The following RAB27B variants were observed in gnomAD, a reference collection of about 807,000 sequenced individuals.
RAB27B encodes RAB27B, member RAS oncogene family, also known as ras-related protein Rab-27B.
Under a neutral mutation model 24.6 loss-of-function variants are expected in RAB27B, and 15 were observed. The observed-to-expected ratio is 0.61, with a 90% CI of 0.41 to 0.94. RAB27B has a LOEUF of 0.94. Ranked by LOEUF, RAB27B falls within the 40% of genes least tolerant of loss-of-function variation. RAB27B has a pLI of 0.00. For missense variants in RAB27B, 261 were observed against 266.8 expected (o/e 0.98, Z 0.15); for synonymous variants, 105 against 92.5 (o/e 1.14, Z -0.78).
chr18:54,733,122 T>C (rs2311208), intron 2 of RAB27B, among the ~76,000 whole-genome samples: 68,074 of 151,932 alleles, frequency 0.45, 17,134 homozygotes, highest in Middle Eastern at 0.58. Flanking sequence ...CATAGCTCAC[T>C]GTAACCTCAA....
At chr18:54,774,678 C>T (rs1041838374) in intron 2 of RAB27B, among the ~76,000 whole-genome samples, 3 of 152,194 alleles carry the variant, frequency 2.0e-5, no homozygotes, top group Non-Finnish European at 2.9e-5. Context: ...CCAGAGAGGT[C>T]AAGACTGTTC....
At chr18:54,826,857 A>T (rs1405476252), upstream of RAB27B, among the ~76,000 whole-genome samples, 2 of 152,224 alleles carry the variant, frequency 1.3e-5, no homozygotes, top group Non-Finnish European at 2.9e-5. Flanking sequence ...TGCCTATTTC[A>T]CAGTAATGTT....
In RAB27B at chr18:54,844,003, T is replaced by C. The variant is rs569980903; in HGVS notation, c.-20+15303T>C. On this transcript the variant is annotated intron_variant, in intron 1 of 5. Coordinates refer to ENST00000262094, the MANE Select transcript of RAB27B (RefSeq NM_004163.4). ...TAGAAGAAAAGCCATCCCATAACTC[T>C]GAGATGGCTGCAGGGAGGAGGAGAA... 7.2e-5 allele frequency among the ~76,000 whole-genome samples: 11 copies of C among 152,222 alleles called. No individual in the cohort carries two copies. In the East Asian group the frequency reaches 1.9e-3, roughly 27 times the overall value.
intron 2 of RAB27B, among the ~76,000 whole-genome samples, chr18:54,822,436 A>G (rs1360130898): frequency 6.6e-6 from 1 of 152,210 alleles, no homozygotes; most frequent in Non-Finnish European, 1.5e-5. Context: ...CTTTTGGGAA[A>G]ATGGAGAAAT....
At chr18:54,790,491 A>G (rs1222420686) in intron 2 of RAB27B, among the ~76,000 whole-genome samples, 1 of 152,208 alleles carries the variant, frequency 6.6e-6, no homozygotes, top group Non-Finnish European at 1.5e-5. Flanking sequence ...CTAGAATAGA[A>G]GCACAATAAG....
chr18:54,803,017 TTGTTA>T (rs1239433515), intron 2 of RAB27B, among the ~76,000 whole-genome samples: 1 of 152,214 alleles, frequency 6.6e-6, no homozygotes, highest in Non-Finnish European at 1.5e-5. Context: ...TTTATTGAGT[TTGTTA>T]TAACTGGCAC....
intron 4 of RAB27B, 37 bp downstream of exon 4, chr18:54,884,473 G>T (rs780825194): frequency 8.8e-6 from 12 of 1,357,440 alleles, no homozygotes; most frequent in Admixed American, 1.7e-5. Context: ...GGCCGCTTTG[G>T]GACTCAACTG....
intron 2 of RAB27B, among the ~76,000 whole-genome samples, chr18:54,789,065 C>T (rs1373306837): frequency 6.6e-6 from 1 of 152,048 alleles, no homozygotes; most frequent in Non-Finnish European, 1.5e-5. Flanking sequence ...GTTATCCTGC[C>T]AATAAAGGGA....
intron 2 of RAB27B, among the ~76,000 whole-genome samples, chr18:54,795,576 G>A (rs1198147241): frequency 1.3e-5 from 2 of 152,104 alleles, no homozygotes; most frequent in Non-Finnish European, 2.9e-5. Flanking sequence ...ATGAATGAAG[G>A]GCCTGGAACC....
At position 54,719,838 on chromosome 18, in the gene RAB27B, T is replaced by C. The variant is rs184781205; in HGVS notation, c.-20+1697T>C. On this transcript the variant is annotated intron_variant, in intron 2 of 4. Coordinates refer to the RAB27B transcript ENST00000586570. ...CAATTCTTCAAATTAAAACTTAGTT[T>C]TGAAAATTCCTACCCATCATATAAT... 4.7e-3 allele frequency among the ~76,000 whole-genome samples: 711 copies of C among 152,226 alleles called. 5 individuals carry two copies. The highest frequency in any genetic ancestry group is 0.016 in the African/African-American group (667 of 41,564).
At chr18:54,857,718 G>T (rs1911840570) in intron 1 of RAB27B, among the ~76,000 whole-genome samples, 1 of 151,176 alleles carries the variant, frequency 6.6e-6, no homozygotes, top group African/African-American at 2.5e-5. Flanking sequence ...ATGTGGGCAG[G>T]CATGCAGACG....
At chr18:54,787,818 T>TGTA (rs2145104676) in intron 2 of RAB27B, among the ~76,000 whole-genome samples, 1 of 152,330 alleles carries the variant, frequency 6.6e-6, no homozygotes, top group African/African-American at 2.4e-5. Context: ...TGGCTCCATA[T>TGTA]GTACATGCCT....
chr18:54,761,455 A>G (rs956738588), intron 2 of RAB27B, among the ~76,000 whole-genome samples: 1 of 152,224 alleles, frequency 6.6e-6, no homozygotes, highest in African/African-American at 2.4e-5. Context: ...TTGCAACAAA[A>G]TATACTAAGC....
At chr18:54,870,516 T>C (rs1227323404) in intron 1 of RAB27B, among the ~76,000 whole-genome samples, 1 of 152,116 alleles carries the variant, frequency 6.6e-6, no homozygotes, top group Non-Finnish European at 1.5e-5. Flanking sequence ...CCAGTGAAAG[T>C]GGATAAGAAA....
At chr18:54,858,635 C>G in intron 1 of RAB27B, among the ~76,000 whole-genome samples, 1 of 152,098 alleles carries the variant, frequency 6.6e-6, no homozygotes, top group East Asian at 1.9e-4. Flanking sequence ...CTCGTGATCC[C>G]TCCTAAAGTG....
intron 2 of RAB27B, among the ~76,000 whole-genome samples, chr18:54,808,051 A>G (rs115604371): frequency 1.7e-3 from 254 of 152,352 alleles, no homozygotes; most frequent in African/African-American, 5.6e-3. Flanking sequence ...AGGAGTTTCC[A>G]TAATAATAGA....
chr18:54,783,369 C>T (rs759720984), intron 2 of RAB27B, among the ~76,000 whole-genome samples: 5 of 152,094 alleles, frequency 3.3e-5, no homozygotes, highest in Admixed American at 6.5e-5. Context: ...ACCTCCCCTA[C>T]TGTGATTTTT....
chr18:54,756,973 G>C (rs889520030), intron 2 of RAB27B, among the ~76,000 whole-genome samples: 2 of 152,150 alleles, frequency 1.3e-5, no homozygotes, highest in African/African-American at 2.4e-5. Flanking sequence ...GCAAACAAGT[G>C]GTATGGGGTT....
intron 2 of RAB27B, among the ~76,000 whole-genome samples, chr18:54,764,775 G>T (rs1908305388): frequency 6.6e-6 from 1 of 152,052 alleles, no homozygotes; most frequent in Non-Finnish European, 1.5e-5. Flanking sequence ...CTTTCAAAAT[G>T]CATTTCAAAT....
Sources: gnomAD v4.1 joint callset for allele counts (sites outside exome capture counted in the v4.1 genomes callset) on GRCh38, gnomAD v4.1.1 for gene constraint, MANE v1.5 for transcripts, NCBI Gene and HGNC (gene_info 2026-07-23, HGNC 2026-07-21) for gene names.